The following SEC24A variants were observed in gnomAD, a reference collection of about 807,000 sequenced individuals.
SEC24A encodes protein transport protein Sec24A.
A neutral mutation model predicts 129.4 loss-of-function variants in SEC24A; 93 were observed. That is an observed-to-expected ratio of 0.72 (90% CI 0.61 to 0.85). The LOEUF is 0.85. Ranked by LOEUF, SEC24A falls within the 40% of genes least tolerant of loss-of-function variation. The probability of loss-of-function intolerance (pLI) is 0.00; values close to 1 mark genes in which losing one functional copy is unlikely to be tolerated. For synonymous variants in SEC24A, 460 were observed against 467.3 expected (o/e 0.98, Z 0.20); for missense variants, 1,264 against 1,307.4 (o/e 0.97, Z 0.51).
chr5:134,718,895 A>G (rs978345516), intron 20 of SEC24A, among the ~76,000 whole-genome samples: 1 of 151,658 alleles, frequency 6.6e-6, no homozygotes, highest in Non-Finnish European at 1.5e-5. Context: ...GCTTGAACCC[A>G]GGAGGCAGAG....
chr5:134,675,411 C>T (rs560056408), intron 6 of SEC24A, among the ~76,000 whole-genome samples, 194 bp downstream of exon 6: 3 of 152,150 alleles, frequency 2.0e-5, no homozygotes, highest in African/African-American at 7.2e-5. Context: ...GGATGTAACT[C>T]CTGAAGTGAT....
At chr5:134,650,413 TTA>T (rs764075382) in intron 1 of SEC24A, among the ~76,000 whole-genome samples, 3 of 152,234 alleles carry the variant, frequency 2.0e-5, no homozygotes, top group African/African-American at 7.2e-5. Context: ...GCTTCAACAT[TTA>T]TATATGAGTG....
chr5:134,716,941 C>G (rs1752493491), intron 19 of SEC24A, among the ~76,000 whole-genome samples: 1 of 147,184 alleles, frequency 6.8e-6, no homozygotes, highest in Non-Finnish European at 1.5e-5. Context: ...GTGCAATGGA[C>G]TGATCTCGGC....
At chr5:134,710,212 C>CA (rs1752281124) in intron 18 of SEC24A, among the ~76,000 whole-genome samples, 1 of 142,282 alleles carries the variant, frequency 7.0e-6, no homozygotes, top group Non-Finnish European at 1.5e-5. Flanking sequence ...TAATCTTCTT[C>CA]TTTTTTTTTT....
intron 20 of SEC24A, among the ~76,000 whole-genome samples, chr5:134,720,044 G>T (rs549894655): frequency 6.6e-6 from 1 of 152,294 alleles, no homozygotes. Context: ...AATTATTGAA[G>T]AAAGAAATTT....
intron 1 of SEC24A, among the ~76,000 whole-genome samples, chr5:134,654,914 C>T (rs1445082196): frequency 1.3e-5 from 2 of 151,922 alleles, no homozygotes; most frequent in South Asian, 2.1e-4. Flanking sequence ...AGATGGGTTT[C>T]ACCATTTGGC....
intron 1 of SEC24A, among the ~76,000 whole-genome samples, chr5:134,656,572 C>G (rs1267888419): frequency 6.6e-6 from 1 of 152,092 alleles, no homozygotes; most frequent in Admixed American, 6.6e-5. Flanking sequence ...ACCTCCGCCT[C>G]CCAGGTTCAA....
chr5:134,719,103 C>T (rs1266919131), intron 20 of SEC24A, among the ~76,000 whole-genome samples: 2 of 151,936 alleles, frequency 1.3e-5, no homozygotes, highest in East Asian at 1.9e-4. Flanking sequence ...ATAATTTGTC[C>T]GGGCATGGTG....
At chr5:134,709,737 C>T (rs1442805199) in intron 18 of SEC24A, among the ~76,000 whole-genome samples, 1 of 152,128 alleles carries the variant, frequency 6.6e-6, no homozygotes. Flanking sequence ...ACATTGTATA[C>T]TATATCATAG....
At chr5:134,689,738 T>A (rs1751573327) in intron 11 of SEC24A, among the ~76,000 whole-genome samples, 1 of 149,894 alleles carries the variant, frequency 6.7e-6, no homozygotes, top group Non-Finnish European at 1.5e-5. Context: ...CACTCCAGCC[T>A]GGACGACAGA....
upstream of SEC24A, chr5:134,648,418 T>C (rs2150062652): frequency 6.6e-6 from 1 of 152,428 alleles, no homozygotes; most frequent in South Asian, 2.0e-4. Flanking sequence ...CAGAGGACGA[T>C]GACTTCTATG....
In SEC24A at chr5:134,661,263, G is replaced by A. The variant is rs1440085611; in HGVS notation, c.242G>A (p.Gly81Glu). ...CAGTCTAACTATGGTGGTTCTCAGGGATCTGGGCAGACTCTTAATAGACCA... is the reference window on the plus strand; with the variant it reads ...CAGTCTAACTATGGTGGTTCTCAGGAATCTGGGCAGACTCTTAATAGACCA... ...SGQSNYGGSQ[G>E]SGQTLNRPPV... The change falls in exon 2 of 23, where the codon GGA becomes GAA. Residue 81 changes from glycine to glutamate, a missense_variant. By Grantham distance (98) the Gly-to-Glu change is moderately conservative. Transcript: ENST00000398844. 3 of 1,614,126 alleles carry A rather than the reference G, an allele frequency of 1.9e-6. No individual in the cohort carries two copies. The highest frequency in any genetic ancestry group is 2.5e-6 in the Non-Finnish European group (3 of 1,180,044).
At chr5:134,699,681 C>G (rs1199457560) in intron 15 of SEC24A, among the ~76,000 whole-genome samples, 1 of 143,516 alleles carries the variant, frequency 7.0e-6, no homozygotes, top group Non-Finnish European at 1.5e-5. Flanking sequence ...TGGGGGATCT[C>G]TTAGTTTGTA....
intron 1 of SEC24A, among the ~76,000 whole-genome samples, chr5:134,653,381 C>G (rs1212626169): frequency 6.6e-6 from 1 of 152,154 alleles, no homozygotes; most frequent in Non-Finnish European, 1.5e-5. Flanking sequence ...TCCTGTGAAG[C>G]TAGGACTACA....
chr5:134,654,190 C>T lies in SEC24A; in HGVS notation c.97+5017C>T, dbSNP rs1192660088. Among the ~76,000 whole-genome samples the T allele has an allele frequency of 2.6e-5, 4 of 151,412 alleles. No individual in the cohort carries two copies. In the East Asian group the frequency reaches 5.8e-4, roughly 22 times the overall value. The stretch of plus-strand genomic sequence containing the variant: ...AAATAAATTAATAAAAAACAAAAGA[C>T]CTAACAGTAGCCTTTTTCAAAAAAA... On this transcript the variant is annotated intron_variant, in intron 1 of 22. Coordinates refer to ENST00000398844, the MANE Select transcript of SEC24A (RefSeq NM_021982.3).
intron 7 of SEC24A, among the ~76,000 whole-genome samples, chr5:134,676,745 A>C (rs1751080887): frequency 6.6e-6 from 1 of 152,074 alleles, no homozygotes; most frequent in Admixed American, 6.6e-5. Flanking sequence ...CTCTTTAGTG[A>C]AGGTAAATGT....
intron 3 of SEC24A, among the ~76,000 whole-genome samples, chr5:134,669,330 C>T (rs1308237930): frequency 6.6e-6 from 1 of 151,118 alleles, no homozygotes; most frequent in African/African-American, 2.4e-5. Flanking sequence ...CCCCACCCAG[C>T]TAATTTTGTA....
chr5:134,677,421 G>A (rs1751102934), intron 7 of SEC24A, among the ~76,000 whole-genome samples: 1 of 150,796 alleles, frequency 6.6e-6, no homozygotes, highest in Non-Finnish European at 1.5e-5. Context: ...CACTACTTTT[G>A]GTGATAGGAT....
At chr5:134,659,413 C>T (rs1027591150) in intron 1 of SEC24A, among the ~76,000 whole-genome samples, 5 of 151,904 alleles carry the variant, frequency 3.3e-5, no homozygotes, top group African/African-American at 1.2e-4. Context: ...GTAATGACTT[C>T]AGAATTTAAA....
Sources: gnomAD v4.1 joint callset for allele counts (sites outside exome capture counted in the v4.1 genomes callset) on GRCh38, gnomAD v4.1.1 for gene constraint, MANE v1.5 for transcripts, NCBI Gene and HGNC (gene_info 2026-07-23, HGNC 2026-07-21) for gene names.